Variants in NEBL observed in about 807,000 individuals in gnomAD.
NEBL encodes the protein LIM and SH3 protein 2.
A neutral mutation model predicts 140.2 loss-of-function variants in NEBL; 122 were observed. The ratio of observed to expected loss-of-function variants is 0.87; its 90% CI spans 0.75 to 1.01. The LOEUF is 1.01. Among genes scored for constraint, NEBL ranks in the 50% least tolerant of loss-of-function variants. The probability of loss-of-function intolerance (pLI) is 0.00; values close to 1 mark genes in which losing one functional copy is unlikely to be tolerated. For missense variants in NEBL, 1,365 were observed against 1,231.3 expected, an observed-to-expected ratio of 1.11 and a Z score of -1.62; for synonymous variants, 436 against 398.9, an observed-to-expected ratio of 1.09 and a Z score of -1.11.
At chr10:20,858,684 G>T (rs1045877274) in intron 8 of NEBL, among the ~76,000 whole-genome samples, 1 of 152,180 alleles carries the variant, frequency 6.6e-6, no homozygotes, top group Admixed American at 6.5e-5. Flanking sequence ...TTTCAACTAT[G>T]CTTTGTGGAG....
chr10:20,808,693 T>G (rs1217658158), intron 25 of NEBL, 34 bp from the exon 26 acceptor site: 3 of 1,597,980 alleles, frequency 1.9e-6, no homozygotes, highest in East Asian at 4.5e-5. Context: ...CACGTGTGAT[T>G]AAGTGACTCG....
intron 3 of NEBL, among the ~76,000 whole-genome samples, chr10:20,981,207 A>C (rs192961993): frequency 6.6e-6 from 1 of 152,186 alleles, no homozygotes; most frequent in East Asian, 1.9e-4. Flanking sequence ...GATAGAGAAC[A>C]CATAAAGTTC....
chr10:21,242,334 T>C (rs2132265506), intron 3 of NEBL, among the ~76,000 whole-genome samples: 1 of 152,282 alleles, frequency 6.6e-6, no homozygotes, highest in East Asian at 1.9e-4. Flanking sequence ...TGGATGGAGC[T>C]GGAGGCCTTT....
intron 3 of NEBL, among the ~76,000 whole-genome samples, chr10:20,994,354 G>C (rs972920370): frequency 1.3e-5 from 2 of 152,094 alleles, no homozygotes; most frequent in African/African-American, 4.8e-5. Context: ...ACTCCAGGGG[G>C]ATCTTTCAAT....
chr10:20,903,712 G>T (rs1847971356), intron 4 of NEBL, among the ~76,000 whole-genome samples: 1 of 151,760 alleles, frequency 6.6e-6, no homozygotes, highest in African/African-American at 2.4e-5. Context: ...AACGTATTTT[G>T]TAGCAACTGG....
At chr10:21,250,842 G>C (rs1409693875) in intron 2 of NEBL, among the ~76,000 whole-genome samples, 2 of 151,986 alleles carry the variant, frequency 1.3e-5, no homozygotes, top group African/African-American at 4.8e-5. Flanking sequence ...GCAGTGAGCT[G>C]AGATCACGCC....
chr10:21,111,191 G>A (rs549243957), intron 2 of NEBL, among the ~76,000 whole-genome samples: 10 of 152,238 alleles, frequency 6.6e-5, no homozygotes, highest in African/African-American at 1.7e-4. Flanking sequence ...TACATTCAAT[G>A]CTATCCCCAG....
At chr10:20,819,309 T>A in intron 20 of NEBL, 115 bp downstream of exon 20, 5 of 1,505,778 alleles carry the variant, frequency 3.3e-6, no homozygotes, top group Non-Finnish European at 4.6e-6. Context: ...TATGCAGTAT[T>A]TGGTTTTACG....
rs1052789386 is a variant in NEBL, at chr10:21,224,397, T to C, written n.348+23524A>G. Among the ~76,000 whole-genome samples, 6 of 152,220 alleles carry C rather than the reference T, an allele frequency of 3.9e-5. 1 individual carries two copies. The highest frequency in any genetic ancestry group is 1.3e-4 in the Admixed American group (2 of 15,278). On this transcript the variant is annotated intron_variant and non_coding_transcript_variant, in intron 3 of 8. Transcript: ENST00000675702. Reference sequence around the variant, plus strand: ...TGTGTCTGTTTTTATGCCAGTGCCATGCTGTTTTGATTACTATAGCACCAT... The same window carrying C: ...TGTGTCTGTTTTTATGCCAGTGCCACGCTGTTTTGATTACTATAGCACCAT...
chr10:21,182,467 C>T (rs117452880), intron 3 of NEBL, among the ~76,000 whole-genome samples: 1 of 152,042 alleles, frequency 6.6e-6, no homozygotes, highest in South Asian at 2.1e-4. Flanking sequence ...CAGAAACAGA[C>T]CTTATCTCTA....
intron 1 of NEBL, among the ~76,000 whole-genome samples, chr10:21,270,606 G>A (rs886392506): frequency 1.3e-5 from 2 of 152,082 alleles, no homozygotes; most frequent in African/African-American, 4.8e-5. Flanking sequence ...GACCTCAAGT[G>A]GTCTGCCCAC....
At chr10:20,905,393 A>C (rs937225030) in intron 4 of NEBL, among the ~76,000 whole-genome samples, 15 of 152,176 alleles carry the variant, frequency 9.9e-5, no homozygotes, top group African/African-American at 3.6e-4. Context: ...GGAAACATAC[A>C]ATCATGGCAG....
intron 3 of NEBL, among the ~76,000 whole-genome samples, chr10:21,239,933 A>G (rs373760594): frequency 5.5e-4 from 84 of 151,746 alleles, no homozygotes; most frequent in African/African-American, 1.4e-3. Flanking sequence ...GGAGAATGGC[A>G]TGAACCCGGG....
intron 4 of NEBL, among the ~76,000 whole-genome samples, chr10:20,917,503 T>A (rs1231800311): frequency 6.6e-6 from 1 of 152,228 alleles, no homozygotes; most frequent in East Asian, 1.9e-4. Flanking sequence ...TATTTCTCAA[T>A]GTATGCAAAA....
chr10:20,904,309 T>C (rs577471027), intron 4 of NEBL, among the ~76,000 whole-genome samples: 1 of 152,312 alleles, frequency 6.6e-6, no homozygotes, highest in East Asian at 1.9e-4. Context: ...TATGCATTTA[T>C]ATGTGGTTCT....
chr10:20,999,428 C>G (rs10828169), intron 3 of NEBL, among the ~76,000 whole-genome samples: 2 of 151,916 alleles, frequency 1.3e-5, no homozygotes, highest in Non-Finnish European at 2.9e-5. Flanking sequence ...AAGACCCCAT[C>G]CCTACTAAAA....
At chr10:20,891,754 T>G (rs1847058334) in intron 2 of NEBL, among the ~76,000 whole-genome samples, 1 of 152,200 alleles carries the variant, frequency 6.6e-6, no homozygotes, top group African/African-American at 2.4e-5. Context: ...ATTTAAAATT[T>G]AAGATCCTTT....
At chr10:20,791,750 A>C (rs1175345459) in intron 26 of NEBL, among the ~76,000 whole-genome samples, 1 of 152,200 alleles carries the variant, frequency 6.6e-6, no homozygotes, top group African/African-American at 2.4e-5. Flanking sequence ...AATATACGTA[A>C]ATACACAAAG....
intron 4 of NEBL, among the ~76,000 whole-genome samples, chr10:20,887,658 C>T (rs1484101708): frequency 6.6e-6 from 1 of 152,188 alleles, no homozygotes; most frequent in Non-Finnish European, 1.5e-5. Flanking sequence ...CTCAAGCATT[C>T]TGCCCACCTT....
Sources: allele counts gnomAD v4.1 joint callset (sites outside exome capture counted in the v4.1 genomes callset), GRCh38; gene constraint gnomAD v4.1.1; transcripts MANE v1.5; gene names NCBI Gene and HGNC (gene_info 2026-07-23, HGNC 2026-07-21).